Variants in TRHDE observed in about 807,000 individuals in gnomAD.
TRHDE encodes thyrotropin-releasing hormone-degrading ectoenzyme.
TRHDE carries 72 observed loss-of-function variants against 125.7 expected under a neutral mutation model. The observed-to-expected ratio is 0.57, with a 90% CI of 0.47 to 0.70. The LOEUF is 0.70. TRHDE is among the 30% of genes least tolerant of loss of function. The probability of loss-of-function intolerance (pLI) is 0.00; values close to 1 mark genes in which losing one functional copy is unlikely to be tolerated. For missense variants in TRHDE, 1,110 were observed against 1,327.1 expected (o/e 0.84, Z 2.54); for synonymous variants, 509 against 509.1 (o/e 1.00, Z 0.00).
chr12:72,294,658 C>G (rs1478754350), intron 2 of TRHDE, among the ~76,000 whole-genome samples: 1 of 152,148 alleles, frequency 6.6e-6, no homozygotes, highest in Non-Finnish European at 1.5e-5. Context: ...AGTCCCTACT[C>G]TGGTCTGTGG....
At chr12:72,553,741 C>G (rs1039840324) in intron 7 of TRHDE, among the ~76,000 whole-genome samples, 4 of 152,030 alleles carry the variant, frequency 2.6e-5, no homozygotes, top group African/African-American at 9.6e-5. Context: ...CCACACCCCC[C>G]ACCCCACCCA....
chr12:72,577,365 T>C (rs1871044016), intron 12 of TRHDE, among the ~76,000 whole-genome samples: 1 of 152,128 alleles, frequency 6.6e-6, no homozygotes, highest in Admixed American at 6.5e-5. Flanking sequence ...CCACTCTAAG[T>C]GTGAGGAAAT....
chr12:72,429,369 A>G (rs1002037697), intron 3 of TRHDE, among the ~76,000 whole-genome samples: 2 of 148,104 alleles, frequency 1.4e-5, no homozygotes, highest in African/African-American at 2.5e-5. Flanking sequence ...AATAATAATA[A>G]TAATTTACAG....
At chr12:72,132,480 A>G (rs930380547) in intron 2 of TRHDE, among the ~76,000 whole-genome samples, 1 of 152,218 alleles carries the variant, frequency 6.6e-6, no homozygotes, top group African/African-American at 2.4e-5. Flanking sequence ...TACAGCCTCA[A>G]GATACAAGCA....
intron 6 of TRHDE, among the ~76,000 whole-genome samples, chr12:72,511,015 T>C (rs1878560656): frequency 6.6e-6 from 1 of 152,150 alleles, no homozygotes; most frequent in Non-Finnish European, 1.5e-5. Context: ...CAGAGTAAGA[T>C]AGATGGACTT....
chr12:72,336,170 AG>A (rs367605073), intron 2 of TRHDE, among the ~76,000 whole-genome samples: 48 of 152,270 alleles, frequency 3.2e-4, no homozygotes, highest in African/African-American at 1.1e-3. Flanking sequence ...CTTCAGAGCC[AG>A]GTTTTATTAT....
intron 2 of TRHDE, among the ~76,000 whole-genome samples, chr12:72,106,835 T>A (rs559567712): frequency 6.6e-6 from 1 of 152,262 alleles, no homozygotes; most frequent in South Asian, 2.1e-4. Context: ...AACAATACTC[T>A]GTGTGGTAGA....
At chr12:72,148,354 G>A (rs1033130629) in intron 2 of TRHDE, among the ~76,000 whole-genome samples, 37 of 152,242 alleles carry the variant, frequency 2.4e-4, no homozygotes, top group African/African-American at 8.9e-4. Flanking sequence ...GTTTGTAACA[G>A]CTTTAATTAT....
chr12:72,602,311 A>G (rs1872241033), intron 12 of TRHDE, among the ~76,000 whole-genome samples: 1 of 152,228 alleles, frequency 6.6e-6, no homozygotes, highest in South Asian at 2.1e-4. Flanking sequence ...ACTAAAAGTA[A>G]AGAACTACTG....
intron 2 of TRHDE, chr12:72,257,933 A>G (rs1253652940): frequency 6.6e-6 from 1 of 152,196 alleles, no homozygotes; most frequent in Non-Finnish European, 1.5e-5. Flanking sequence ...CTTCTATTTA[A>G]TAAATTTTAA....
intron 2 of TRHDE, among the ~76,000 whole-genome samples, chr12:72,344,339 G>A (rs879335536): frequency 9.9e-5 from 15 of 152,062 alleles, no homozygotes; most frequent in East Asian, 3.9e-4. Context: ...TAGCAAGTAC[G>A]TGCTTAATAA....
At chr12:72,176,942 A>G (rs577970050) in intron 2 of TRHDE, among the ~76,000 whole-genome samples, 91 of 152,340 alleles carry the variant, frequency 6.0e-4, no homozygotes, top group African/African-American at 2.2e-3. Flanking sequence ...TGGAAAATAA[A>G]AAGTTTTTTT....
intron 6 of TRHDE, among the ~76,000 whole-genome samples, chr12:72,507,804 C>T (rs1287133870): frequency 6.6e-6 from 1 of 152,244 alleles, no homozygotes; most frequent in Non-Finnish European, 1.5e-5. Context: ...CAGCTCCTCC[C>T]ATCATAGGCC....
intron 6 of TRHDE, among the ~76,000 whole-genome samples, chr12:72,525,486 G>T (rs576433422): frequency 2.0e-5 from 3 of 151,882 alleles, no homozygotes; most frequent in Admixed American, 2.0e-4. Context: ...ATTGTGCCTG[G>T]TATATCCTAG....
At chr12:72,553,065 G>T (rs1869750229) in intron 7 of TRHDE, among the ~76,000 whole-genome samples, 1 of 152,090 alleles carries the variant, frequency 6.6e-6, no homozygotes, top group East Asian at 1.9e-4. Flanking sequence ...TTTGAGAGAA[G>T]GTCAGTAGCT....
intron 2 of TRHDE, among the ~76,000 whole-genome samples, chr12:72,159,508 G>A (rs1430677281): frequency 6.6e-6 from 1 of 152,206 alleles, no homozygotes; most frequent in East Asian, 1.9e-4. Flanking sequence ...TAGCAGTTTT[G>A]TATTTGTTAA....
At chr12:72,168,209 CT>C (rs1418835582) in intron 2 of TRHDE, among the ~76,000 whole-genome samples, 1 of 152,138 alleles carries the variant, frequency 6.6e-6, no homozygotes, top group Non-Finnish European at 1.5e-5. Context: ...CTGAAAGCAG[CT>C]TTTTAAAAGA....
intron 12 of TRHDE, among the ~76,000 whole-genome samples, chr12:72,599,366 C>A (rs1872112705): frequency 1.3e-5 from 2 of 152,066 alleles, no homozygotes; most frequent in African/African-American, 4.8e-5. Context: ...TCCCTTTCTC[C>A]ACAGCTTCAT....
At chr12:72,308,732 T>G (rs190593897) in intron 2 of TRHDE, among the ~76,000 whole-genome samples, 2 of 152,300 alleles carry the variant, frequency 1.3e-5, no homozygotes, top group Admixed American at 1.3e-4. Flanking sequence ...TTTCTATCTA[T>G]TTTTCAAAAC....
Sources: allele counts gnomAD v4.1 joint callset (sites outside exome capture counted in the v4.1 genomes callset), GRCh38; gene constraint gnomAD v4.1.1; transcripts MANE v1.5; gene names NCBI Gene and HGNC (gene_info 2026-07-23, HGNC 2026-07-21).